Variants in GPR180 observed in about 807,000 individuals in gnomAD.
The protein encoded by GPR180 is integral membrane protein GPR180.
GPR180 carries 53 observed loss-of-function variants against 52.6 expected under a neutral mutation model. The observed-to-expected ratio is 1.01, with a 90% CI of 0.81 to 1.27. GPR180 has a LOEUF of 1.27. Among genes scored for constraint, GPR180 ranks in the 50% most tolerant of loss-of-function variants. The pLI, the probability that GPR180 is intolerant of heterozygous loss-of-function variation, is 0.00. For synonymous variants in GPR180, 200 were observed against 193.1 expected, an observed-to-expected ratio of 1.04 and a Z score of -0.30; for missense variants, 533 against 527.0, an observed-to-expected ratio of 1.01 and a Z score of -0.11.
At chr13:94,624,877 G>A (rs1287741983) in intron 7 of GPR180, among the ~76,000 whole-genome samples, 1 of 150,742 alleles carries the variant, frequency 6.6e-6, no homozygotes, top group Admixed American at 6.6e-5. Flanking sequence ...TCTTGTCCAG[G>A]CTGTAGTGCA....
At chr13:94,619,579 T>C (rs1889826667) in intron 5 of GPR180, 62 bp downstream of exon 5, 2 of 1,323,522 alleles carry the variant, frequency 1.5e-6, no homozygotes, top group African/African-American at 1.5e-5. Context: ...TTTTTTTTTA[T>C]TTCTTGTCAT....
Position 94,611,170 on chromosome 13 carries a change from G to A in GPR180, c.305-1020G>A, listed in dbSNP as rs893163001. ...ATGATGCCACACACCCCCCACCCCT[G>A]ACTGTATCATACTACTTCATGTGGA... On this transcript the variant is annotated intron_variant, in intron 2 of 8. Coordinates refer to ENST00000376958, the MANE Select transcript of GPR180 (RefSeq NM_180989.6). Among the ~76,000 whole-genome samples the A allele has an allele frequency of 5.3e-5, 8 of 152,138 alleles. No individual in the cohort carries two copies. The South Asian group carries it at 6.2e-4, about 12-fold the overall frequency.
At chr13:94,609,323 A>G (rs1889672944) in intron 2 of GPR180, among the ~76,000 whole-genome samples, 1 of 152,216 alleles carries the variant, frequency 6.6e-6, no homozygotes, top group African/African-American at 2.4e-5. Flanking sequence ...CCAGCATAGA[A>G]TATGCATGCT....
chr13:94,613,865 TC>T (rs1487093701), intron 3 of GPR180, among the ~76,000 whole-genome samples: 1 of 150,286 alleles, frequency 6.7e-6, no homozygotes, highest in Non-Finnish European at 1.5e-5. Flanking sequence ...GCTCCTCAGG[TC>T]CTTTTTTTTT....
At chr13:94,621,784 G>T (rs1889855333) in intron 6 of GPR180, among the ~76,000 whole-genome samples, 1 of 151,952 alleles carries the variant, frequency 6.6e-6, no homozygotes. Context: ...TTTTATAAAG[G>T]TCCTGCATGC....
chr13:94,610,413 A>C (rs906249193), intron 2 of GPR180, among the ~76,000 whole-genome samples: 2 of 152,208 alleles, frequency 1.3e-5, no homozygotes, highest in African/African-American at 4.8e-5. Context: ...ACTGTTTTAA[A>C]AATACTTTGT....
At position 94,621,999 on chromosome 13, in the gene GPR180, A is replaced by G. The variant is rs1356147160; in HGVS notation, c.894+764A>G. ...CATTATAATGTAAGTTTAATGCATTAAATAAATTGAAAAATGTATTAATGA... is the reference window on the plus strand; with the variant it reads ...CATTATAATGTAAGTTTAATGCATTGAATAAATTGAAAAATGTATTAATGA... On this transcript the variant is annotated intron_variant, in intron 6 of 8. Transcript: ENST00000376958. Among the ~76,000 whole-genome samples the G allele has an allele frequency of 1.3e-5, 2 of 152,208 alleles. 1 individual carries two copies. Among genetic ancestry groups the G allele is most frequent in the African/African-American group, 4.8e-5 (2 of 41,452 alleles).
Position 94,619,180 on chromosome 13 carries a change from T to C in GPR180, c.536T>C (p.Leu179Pro). The C allele has an allele frequency of 6.2e-7, 1 of 1,614,100 alleles. No homozygotes were observed. Among genetic ancestry groups the C allele is most frequent in the Non-Finnish European group, 8.5e-7 (1 of 1,179,984 alleles). The change falls in exon 4 of 9, where the codon CTA becomes CCA. Residue 179 changes from leucine (L) to proline (P), a missense_variant. Coordinates refer to ENST00000376958, the MANE Select transcript of GPR180 (RefSeq NM_180989.6). ...GLHEFFFLLV[L>P]VYFVIACIYA... ...CATGAGTTCTTTTTCCTCCTAGTCC[T>C]AGTGTACTTTGTGATTGCTTGCATT...
chr13:94,623,069 A>ATTT, intron 6 of GPR180, 40 bp from the exon 7 acceptor site: 1 of 1,432,596 alleles, frequency 7.0e-7, no homozygotes, highest in East Asian at 2.3e-5. Context: ...AATGAGGTAT[A>ATTT]TTTTTTTTTC....
intron 5 of GPR180, among the ~76,000 whole-genome samples, chr13:94,620,747 A>AT (rs1889840006): frequency 6.6e-6 from 1 of 152,194 alleles, no homozygotes; most frequent in Admixed American, 6.5e-5. Flanking sequence ...AGAGAACAGG[A>AT]TTATGTAGTT....
Position 94,634,251 on chromosome 13 carries a change from T to C in GPR180, c.*7080T>C, listed in dbSNP as rs185474928. On this transcript the variant is annotated 3_prime_UTR_variant, in exon 9 of 9. Transcript: ENST00000376958. ...GGGAAATTTGACTTTCTTAACGTGT[T>C]GAGTGTTAAACCCACAGGTGGTAGC... 1.3e-5 allele frequency: 2 copies of C among 152,270 alleles called. No homozygotes were observed. The highest frequency in any genetic ancestry group is 2.9e-5 in the Non-Finnish European group (2 of 68,006). The allele number at this position is 152,270 out of a possible 1,614,324, so 9.4% of individuals were successfully genotyped here.
intron 3 of GPR180, among the ~76,000 whole-genome samples, chr13:94,618,443 T>TTTG (rs1003520390): frequency 1.7e-5 from 2 of 120,410 alleles, no homozygotes; most frequent in African/African-American, 6.1e-5. Flanking sequence ...TTTTTTTTTT[T>TTTG]GGCAAGAGCT....
chr13:94,614,313 G>C (rs1201298644), intron 3 of GPR180, among the ~76,000 whole-genome samples: 3 of 152,204 alleles, frequency 2.0e-5, no homozygotes, highest in Admixed American at 6.5e-5. Context: ...AGATCAATTA[G>C]CACTTCCTCT....
chr13:94,605,667 C>T (rs370199500), intron 2 of GPR180, 118 bp downstream of exon 2: 2 of 787,416 alleles, frequency 2.5e-6, no homozygotes, highest in African/African-American at 1.8e-5. Flanking sequence ...ACTGTGATGA[C>T]ACTTTGTCTA....
In GPR180 at chr13:94,619,189, T is replaced by C. The variant is rs139399205; in HGVS notation, c.545T>C (p.Phe182Ser). The C allele has an allele frequency of 9.6e-5, 155 of 1,614,122 alleles. No homozygotes were observed. The highest frequency in any genetic ancestry group is 1.2e-4 in the Non-Finnish European group (147 of 1,179,986). Residue 182 changes from phenylalanine to serine, a missense_variant, in exon 4 of 9, where the codon TTT (phenylalanine) becomes TCT (serine). Physicochemically the swap from Phe to Ser is radical, Grantham distance 155. Coordinates refer to ENST00000376958, the MANE Select transcript of GPR180 (RefSeq NM_180989.6). ...TTTTTCCTCCTAGTCCTAGTGTACT[T>C]TGTGATTGCTTGCATTTATGCTCAA... Reference protein sequence around the residue: ...EFFFLLVLVYFVIACIYAQSL... With the variant: ...EFFFLLVLVYSVIACIYAQSL...
intron 2 of GPR180, among the ~76,000 whole-genome samples, 166 bp from the exon 3 acceptor site, chr13:94,612,024 A>C (rs189468676): frequency 2.0e-5 from 3 of 152,310 alleles, no homozygotes; most frequent in Admixed American, 2.0e-4. Context: ...GATTTATTCT[A>C]TAAATATCTG....
At chr13:94,611,175 T>C (rs1210189546) in intron 2 of GPR180, among the ~76,000 whole-genome samples, 1 of 152,182 alleles carries the variant, frequency 6.6e-6, no homozygotes, top group Non-Finnish European at 1.5e-5. Context: ...CCCCTGACTG[T>C]ATCATACTAC....
In GPR180 at chr13:94,631,856, G is replaced by A. The variant is rs1483649185; in HGVS notation, c.*4685G>A. ...GAGGATTTCTCAAATTCTCACAGAG[G>A]CAGTTTCTCTTTATTTTATGTAGTC... On this transcript the variant is annotated 3_prime_UTR_variant, in exon 9 of 9. Coordinates refer to ENST00000376958, the MANE Select transcript of GPR180 (RefSeq NM_180989.6). The A allele has an allele frequency of 6.6e-6, 1 of 151,972 alleles. No homozygotes were observed. Among genetic ancestry groups the A allele is most frequent in the Admixed American group, 6.6e-5 (1 of 15,250 alleles). The allele number at this position is 151,972 out of a possible 1,614,324, so 9.4% of individuals were successfully genotyped here. A position where few individuals can be genotyped will look rare whatever the true frequency, so the allele number is the denominator to read the frequency against.
At position 94,632,199 on chromosome 13, in the gene GPR180, T is replaced by C. The variant is rs1248795864; in HGVS notation, c.*5028T>C. ...TATGTTCAGTAGCCTCAAAGAAGTA[T>C]GCGAAAACCTTCTAATGTTTTCTTC... On this transcript the variant is annotated 3_prime_UTR_variant, in exon 9 of 9. Transcript: ENST00000376958. The C allele has an allele frequency of 2.6e-5, 4 of 152,178 alleles. No individual in the cohort carries two copies. In the East Asian group the frequency reaches 7.7e-4, roughly 29 times the overall value. The allele number at this position is 152,178 out of a possible 1,614,324, so 9.4% of individuals were successfully genotyped here. A position where few individuals can be genotyped will look rare whatever the true frequency, so the allele number is the denominator to read the frequency against.
Sources: gnomAD v4.1 joint callset for allele counts (sites outside exome capture counted in the v4.1 genomes callset) on GRCh38, gnomAD v4.1.1 for gene constraint, MANE v1.5 for transcripts, NCBI Gene and HGNC (gene_info 2026-07-23, HGNC 2026-07-21) for gene names.